The following CYP20A1 variants were observed in gnomAD, a reference collection of about 807,000 sequenced individuals.
CYP20A1 encodes cytochrome P450 family 20 subfamily A member 1.
CYP20A1 carries 61 observed loss-of-function variants against 61.4 expected under a neutral mutation model. The ratio of observed to expected loss-of-function variants is 0.99; its 90% confidence interval spans 0.81 to 1.23. The LOEUF is 1.23. Ranked by LOEUF, CYP20A1 falls within the 50% of genes most tolerant of loss-of-function variation. The pLI is 0.00. For synonymous variants in CYP20A1, 193 were observed against 188.2 expected (o/e 1.03, Z -0.21); for missense variants, 530 against 542.4 (o/e 0.98, Z 0.23).
chr2:203,269,170 G>A (rs1383662043), intron 5 of CYP20A1, among the ~76,000 whole-genome samples: 3 of 152,052 alleles, frequency 2.0e-5, no homozygotes, highest in African/African-American at 4.8e-5. Flanking sequence ...GGCCAGGTAC[G>A]ATAGCTCATG....
At chr2:203,245,977 A>G (rs2066446802) in intron 2 of CYP20A1, 82 bp downstream of exon 2, 1 of 970,384 alleles carries the variant, frequency 1.0e-6, no homozygotes, top group South Asian at 1.6e-5. Flanking sequence ...TTAGCCAATC[A>G]TGGTAGCTGT....
chr2:203,251,914 T>G, intron 3 of CYP20A1, 53 bp from the exon 4 acceptor site: 1 of 1,392,490 alleles, frequency 7.2e-7, no homozygotes, highest in Non-Finnish European at 9.6e-7. Context: ...TCTTACAGGG[T>G]ATCTTTTTGA....
chr2:203,289,927 G>GGTGT, intron 10 of CYP20A1, 51 bp downstream of exon 10: 1 of 890,924 alleles, frequency 1.1e-6, no homozygotes, highest in Non-Finnish European at 1.8e-6. Flanking sequence ...CAACTCTTTT[G>GGTGT]GTGTGTGTGT....
In CYP20A1 at chr2:203,246,830, G is replaced by A. The variant is rs770471726; in HGVS notation, c.198G>A (p.Gly66=). ...EFLVNLHERY[G]PVVSFWFGRR... ...TGGTTAATTTGCATGAGAGATATGG[G>A]CCTGTGGTCTCCTTCTGGTTTGGCA... is the stretch of plus-strand genomic sequence containing the variant. Residue 66 remains glycine (G), a synonymous_variant, in exon 3 of 13, where the codon GGG becomes GGA. Transcript: ENST00000356079. 5.0e-6 allele frequency: 8 copies of A among 1,614,002 alleles called. No homozygotes were observed. The highest frequency in any genetic ancestry group is 8.5e-7 in the Non-Finnish European group (1 of 1,180,006).
At position 203,266,655 on chromosome 2, in the gene CYP20A1, A is replaced by G. The variant is rs2067334672; in HGVS notation, c.574A>G (p.Ile192Val). Residue 192 changes from isoleucine to valine, a missense_variant, in exon 5 of 13, where the codon ATT becomes GTT. Coordinates refer to ENST00000356079, the MANE Select transcript of CYP20A1 (RefSeq NM_177538.3). ...TACATTTGAAGATGATCAGGAAGTC[A>G]TTCGCTTCCAGAAGAATCATGGCAC... ...GSTFEDDQEV[I>V]RFQKNHGTVW... 6.2e-7 allele frequency: 1 copy of G among 1,614,074 alleles called. No individual in the cohort carries two copies. Among genetic ancestry groups the G allele is most frequent in the Non-Finnish European group, 8.5e-7 (1 of 1,179,950 alleles).
chr2:203,245,934 C>T (rs2066444940), intron 2 of CYP20A1, 39 bp downstream of exon 2: 16 of 1,319,098 alleles, frequency 1.2e-5, no homozygotes, highest in Non-Finnish European at 1.7e-5. Context: ...AGAGTTAATT[C>T]TTCATTATTG....
rs868373421 is a variant in CYP20A1 at position 203,246,311 on chromosome 2, C to T, written c.122+416C>T. On this transcript the variant is annotated intron_variant, in intron 2 of 12. Coordinates refer to ENST00000356079, the MANE Select transcript of CYP20A1 (RefSeq NM_177538.3). ...AAACTTTGTTAACAGAAAGGAGGGT[C>T]GTGTAAATCAAAACATTTCATTGCT... Among the ~76,000 whole-genome samples, 17 of 152,208 alleles carry T rather than the reference C, an allele frequency of 1.1e-4. No individual in the cohort carries two copies. The Middle Eastern group carries it at 0.014, about 122-fold the overall frequency.
At chr2:203,270,989 G>A (rs1190041528) in intron 5 of CYP20A1, among the ~76,000 whole-genome samples, 1 of 135,714 alleles carries the variant, frequency 7.4e-6, no homozygotes, top group Non-Finnish European at 1.5e-5. Flanking sequence ...CACTCCACTC[G>A]GCCTACTATT....
In CYP20A1 at chr2:203,302,704, T is replaced by TG. The variant is rs1384903639; in HGVS notation, c.*5796_*5797insG. Among the ~76,000 whole-genome samples the TG allele has an allele frequency of 3.3e-5, 5 of 152,082 alleles. No homozygotes were observed. Among genetic ancestry groups the TG allele is most frequent in the African/African-American group, 1.2e-4 (5 of 41,404 alleles). On this transcript the variant is annotated 3_prime_UTR_variant, in exon 13 of 13. Transcript: ENST00000356079. ...AGATTTTTGTCATTCTTTATCTTTT[T>TG]TGTGTGTGTGTGACAGAGTCTCACT...
chr2:203,294,644 CT>C (rs1011947442), intron 11 of CYP20A1, among the ~76,000 whole-genome samples: 13 of 148,730 alleles, frequency 8.7e-5, no homozygotes, highest in Non-Finnish European at 7.5e-5. Flanking sequence ...CAACGTGTAT[CT>C]TTTTTTTTTG....
intron 6 of CYP20A1, among the ~76,000 whole-genome samples, chr2:203,275,646 G>T (rs991776208): frequency 2.6e-5 from 4 of 152,038 alleles, no homozygotes; most frequent in African/African-American, 9.7e-5. Flanking sequence ...CACCATGTTG[G>T]CCAGGCTTGT....
intron 5 of CYP20A1, among the ~76,000 whole-genome samples, chr2:203,269,737 A>C (rs1425176165): frequency 2.0e-5 from 3 of 151,202 alleles, no homozygotes; most frequent in East Asian, 2.0e-4. Flanking sequence ...CAAGTGATCC[A>C]CCTGCCTCGG....
chr2:203,275,420 C>A (rs1239988526), intron 6 of CYP20A1, among the ~76,000 whole-genome samples: 1 of 151,900 alleles, frequency 6.6e-6, no homozygotes, highest in Non-Finnish European at 1.5e-5. Flanking sequence ...TTAATAATTT[C>A]TTATTTTCTT....
Position 203,301,747 on chromosome 2 carries a change from C to T in CYP20A1, c.*4839C>T, listed in dbSNP as rs186996250. 4.6e-5 allele frequency among the ~76,000 whole-genome samples: 7 copies of T among 152,086 alleles called. 1 individual carries two copies. In the South Asian group the frequency reaches 1.0e-3, roughly 23 times the overall value. On this transcript the variant is annotated 3_prime_UTR_variant, in exon 13 of 13. Transcript: ENST00000356079. ...TAAATAGATTCTACCTAACTTATAA[C>T]CCCTATGTCAAAATTTGTTTATCTT...
At chr2:203,240,972 G>T (rs1189045410) in intron 1 of CYP20A1, among the ~76,000 whole-genome samples, 2 of 152,210 alleles carry the variant, frequency 1.3e-5, no homozygotes, top group Non-Finnish European at 2.9e-5. Context: ...TCCAGGTAAG[G>T]ATGGAAGCAA....
rs190152867 is a variant in CYP20A1, at chr2:203,241,081, A to T, written c.72+1947A>T. ...CAATTGTGAAGATAGTGCCAATGGG[A>T]TTTCCCAGTGGATTGGATGTGAAAT... On this transcript the variant is annotated intron_variant, in intron 1 of 12. Coordinates refer to ENST00000356079, the MANE Select transcript of CYP20A1 (RefSeq NM_177538.3). Among the ~76,000 whole-genome samples, 12 of 152,278 alleles carry T rather than the reference A, an allele frequency of 7.9e-5. No individual in the cohort carries two copies. In the East Asian group the frequency reaches 2.1e-3, roughly 27 times the overall value.
At chr2:203,264,884 CA>C (rs1344765423) in intron 4 of CYP20A1, among the ~76,000 whole-genome samples, 1 of 152,010 alleles carries the variant, frequency 6.6e-6, no homozygotes, top group Admixed American at 6.6e-5. Flanking sequence ...TGCTTGCCAC[CA>C]CACCCGGCTA....
Position 203,280,098 on chromosome 2 carries a change from A to G in CYP20A1, c.835A>G (p.Ile279Val), listed in dbSNP as rs775232785. 2.5e-6 allele frequency: 4 copies of G among 1,606,750 alleles called. No homozygotes were observed. The highest frequency in any genetic ancestry group is 1.7e-4 in the Middle Eastern group (1 of 6,012). ...DSMIFSLASC[I>V]ITAKLCTWAI... Reference sequence around the variant, plus strand: ...TATGATATTTTCTCTGGCCAGTTGCATAATAACTGCAAAATGTAAGTATAA... The same window carrying G: ...TATGATATTTTCTCTGGCCAGTTGCGTAATAACTGCAAAATGTAAGTATAA... The change falls in exon 8 of 13, where the codon ATA becomes GTA. Residue 279 changes from isoleucine (I) to valine (V), a missense_variant. Coordinates refer to ENST00000356079, the MANE Select transcript of CYP20A1 (RefSeq NM_177538.3).
chr2:203,292,645 G>T (rs149223867), intron 11 of CYP20A1, among the ~76,000 whole-genome samples: 80 of 152,192 alleles, frequency 5.3e-4, no homozygotes, highest in African/African-American at 1.9e-3. Flanking sequence ...TTTTTGTACA[G>T]ATGGGGTTTC....
Sources: gnomAD v4.1 joint callset for allele counts (sites outside exome capture counted in the v4.1 genomes callset) on GRCh38, gnomAD v4.1.1 for gene constraint, MANE v1.5 for transcripts, NCBI Gene and HGNC (gene_info 2026-07-23, HGNC 2026-07-21) for gene names.